The following EYA1 variants were observed in gnomAD, a reference collection of about 807,000 sequenced individuals.
EYA1 encodes the protein EYA transcriptional coactivator and phosphatase 1.
In EYA1, 16 loss-of-function variants were observed where a neutral mutation model predicts 82.0. The observed-to-expected ratio is 0.20, with a 90% confidence interval of 0.13 to 0.30. The LOEUF is 0.30. Ranked by LOEUF, EYA1 falls within the 10% of genes least tolerant of loss-of-function variation. The pLI is 1.00. For synonymous variants in EYA1, 261 were observed against 264.4 expected, an observed-to-expected ratio of 0.99 and a Z score of 0.12; for missense variants, 633 against 730.7, an observed-to-expected ratio of 0.87 and a Z score of 1.54.
At chr8:71,513,738 C>T (rs1346359495) in intron 2 of EYA1, among the ~76,000 whole-genome samples, 1 of 152,026 alleles carries the variant, frequency 6.6e-6, no homozygotes, top group African/African-American at 2.4e-5. Flanking sequence ...TTAACCCTCC[C>T]ACCTCCTCTC....
rs1815804063 is a variant in EYA1 at position 71,547,998 on chromosome 8, G to A, written c.-207C>T. ...TGTTTAGGGCAAAAAACCCGGCTCC[G>A]GCTTCCAGAAATTCGAGCCAGCGGT... On this transcript the variant is annotated 5_prime_UTR_variant, in exon 1 of 19. Coordinates refer to the EYA1 transcript ENST00000643681. 1.3e-5 allele frequency: 2 copies of A among 152,248 alleles called. 1 individual carries two copies. The highest frequency in any genetic ancestry group is 4.1e-4 in the South Asian group (2 of 4,832). 9.4% of individuals were successfully genotyped at this position (152,248 alleles called of 1,614,324 possible).
intron 2 of EYA1, among the ~76,000 whole-genome samples, chr8:71,398,817 C>A (rs1453045803): frequency 1.3e-5 from 2 of 152,208 alleles, no homozygotes; most frequent in Non-Finnish European, 2.9e-5. Context: ...CTACTCTCTT[C>A]AAAGCTGTCA....
At chr8:71,448,207 G>T (rs1043464901) in intron 2 of EYA1, among the ~76,000 whole-genome samples, 1 of 151,718 alleles carries the variant, frequency 6.6e-6, no homozygotes, top group East Asian at 1.9e-4. Flanking sequence ...AGGACTTCTC[G>T]CAAAATTAAA....
intron 2 of EYA1, among the ~76,000 whole-genome samples, chr8:71,435,738 G>C (rs1191156901): frequency 6.6e-6 from 1 of 152,054 alleles, no homozygotes; most frequent in African/African-American, 2.4e-5. Context: ...TTCACGGAGA[G>C]GCTCTCTAGC....
chr8:71,512,431 A>G (rs1812672095), intron 2 of EYA1, among the ~76,000 whole-genome samples: 1 of 152,100 alleles, frequency 6.6e-6, no homozygotes, highest in Admixed American at 6.6e-5. Context: ...ACAATAAAAC[A>G]ATAAAGGGTG....
intron 3 of EYA1, among the ~76,000 whole-genome samples, chr8:71,338,464 G>C (rs151249078): frequency 6.6e-6 from 1 of 152,090 alleles, no homozygotes; most frequent in African/African-American, 2.4e-5. Flanking sequence ...ATCTTCCTTC[G>C]TCATAAATTT....
At chr8:71,213,383 T>C (rs542070866) in intron 16 of EYA1, among the ~76,000 whole-genome samples, 1 of 152,348 alleles carries the variant, frequency 6.6e-6, no homozygotes, top group Admixed American at 6.5e-5. Flanking sequence ...CCAACTTTCA[T>C]GTGCTGGTAA....
In EYA1 at chr8:71,235,493, CAG is replaced by C. The variant is rs374375855; in HGVS notation, c.1140+9108_1140+9109del. On this transcript the variant is annotated intron_variant, in intron 12 of 17. Transcript: ENST00000340726. Reference sequence around the variant, plus strand: ...CCCTTCTTGACAAATGTTACCTCCTCAGAGACATCTCTTCCTGATCATCTCAG... The same window carrying C: ...CCCTTCTTGACAAATGTTACCTCCTCAGACATCTCTTCCTGATCATCTCAG... Among the ~76,000 whole-genome samples the C allele has an allele frequency of 3.0e-3, 462 of 152,244 alleles. 3 individuals are homozygous for C. Among genetic ancestry groups the C allele is most frequent in the African/African-American group, 0.01 (431 of 41,548 alleles).
At chr8:71,471,952 G>A (rs1361372556) in intron 2 of EYA1, among the ~76,000 whole-genome samples, 1 of 151,990 alleles carries the variant, frequency 6.6e-6, no homozygotes, top group Non-Finnish European at 1.5e-5. Flanking sequence ...CTTCTTGTAA[G>A]GCTTGTCAGT....
chr8:71,383,603 T>C (rs1828826992), intron 2 of EYA1, among the ~76,000 whole-genome samples: 1 of 152,136 alleles, frequency 6.6e-6, no homozygotes. Context: ...TTAAGGATGA[T>C]ACAGATAATA....
intron 2 of EYA1, among the ~76,000 whole-genome samples, chr8:71,406,398 G>C (rs554425938): frequency 6.6e-6 from 1 of 152,154 alleles, no homozygotes; most frequent in Non-Finnish European, 1.5e-5. Flanking sequence ...GAACAGCTCC[G>C]GTCTACAGCT....
intron 2 of EYA1, among the ~76,000 whole-genome samples, chr8:71,396,402 C>A (rs1000513587): frequency 4.6e-5 from 7 of 152,138 alleles, no homozygotes; most frequent in African/African-American, 1.7e-4. Flanking sequence ...AATTTTAGAT[C>A]TTTCCTGCTT....
chr8:71,456,566 T>A (rs1807936569), intron 2 of EYA1, among the ~76,000 whole-genome samples: 2 of 151,712 alleles, frequency 1.3e-5, no homozygotes, highest in Admixed American at 1.3e-4. Flanking sequence ...GAGATATAGA[T>A]CAATGGAACA....
intron 4 of EYA1, among the ~76,000 whole-genome samples, chr8:71,325,407 A>T (rs886787668): frequency 6.6e-6 from 1 of 152,326 alleles, no homozygotes; most frequent in South Asian, 2.1e-4. Context: ...ATAGATGGTT[A>T]CATTCCTCTG....
At chr8:71,493,605 C>T (rs1811176271) in intron 2 of EYA1, among the ~76,000 whole-genome samples, 1 of 152,122 alleles carries the variant, frequency 6.6e-6, no homozygotes, top group Admixed American at 6.5e-5. Flanking sequence ...AATCACTTTA[C>T]TCCCATTAGA....
rs920216200 is a variant in EYA1 at position 71,199,258 on chromosome 8, C to G, written c.*82G>C. 3.9e-6 allele frequency: 4 copies of G among 1,015,392 alleles called. No individual in the cohort carries two copies. The East Asian group carries it at 1.0e-4, about 26-fold the overall frequency. 62.9% of individuals were successfully genotyped at this position (1,015,392 alleles called of 1,614,324 possible). A position where few individuals can be genotyped will look rare whatever the true frequency, so the allele number is the denominator to read the frequency against. On this transcript the variant is annotated 3_prime_UTR_variant, in exon 18 of 18. Coordinates refer to ENST00000340726, the MANE Select transcript of EYA1 (RefSeq NM_000503.6). ...GGCGGAAATTGCTAAGTTCTGGAGG[C>G]CGGCGCTGATGCGAGACTGGGGCCT...
intron 2 of EYA1, among the ~76,000 whole-genome samples, chr8:71,476,559 G>T (rs915179407): frequency 1.6e-4 from 25 of 152,082 alleles, no homozygotes; most frequent in African/African-American, 5.8e-4. Flanking sequence ...AAACACTGTT[G>T]CAAAAAATTA....
Position 71,463,621 on chromosome 8 carries a change from CT to C in EYA1, c.33+72122del, listed in dbSNP as rs1563640159. ...TCTCTCTCTCTCTCTCTCTCTCTCT[CT>C]CTCTCTCTCTCCCTCCCTCCCCCCT... is the stretch of plus-strand genomic sequence containing the variant. On this transcript the variant is annotated intron_variant, in intron 2 of 18. Coordinates refer to the EYA1 transcript ENST00000643681. Among the ~76,000 whole-genome samples the C allele has an allele frequency of 3.3e-3, 399 of 120,926 alleles. 34 individuals carry two copies. Among genetic ancestry groups the C allele is most frequent in the East Asian group, 0.014 (50 of 3,696 alleles). The allele number at this position is 120,926 out of a possible 152,430, so 79.3% of individuals were successfully genotyped here. A position where few individuals can be genotyped will look rare whatever the true frequency, so the allele number is the denominator to read the frequency against.
chr8:71,266,165 C>T (rs562579473), intron 11 of EYA1, among the ~76,000 whole-genome samples: 18 of 152,302 alleles, frequency 1.2e-4, no homozygotes, highest in Admixed American at 3.3e-4. Context: ...GACAGAACAG[C>T]GATCACATTG....
Sources: allele counts gnomAD v4.1 joint callset (sites outside exome capture counted in the v4.1 genomes callset), GRCh38; gene constraint gnomAD v4.1.1; transcripts MANE v1.5; gene names NCBI Gene and HGNC (gene_info 2026-07-23, HGNC 2026-07-21).